The following LMX1B variants were observed in gnomAD, a reference collection of about 807,000 sequenced individuals.
LMX1B encodes LIM homeobox transcription factor 1-beta.
Under a neutral mutation model 51.4 loss-of-function variants are expected in LMX1B, and 12 were observed. The observed-to-expected ratio is 0.23, with a 90% CI of 0.15 to 0.38. The LOEUF (loss-of-function observed/expected upper bound fraction) is 0.38. Ranked by LOEUF, LMX1B falls within the 10% of genes least tolerant of loss-of-function variation. The probability of loss-of-function intolerance (pLI) is 1.00; values close to 1 mark genes in which losing one functional copy is unlikely to be tolerated. For missense variants in LMX1B, 445 were observed against 571.1 expected (o/e 0.78, Z 2.25); for synonymous variants, 237 against 235.4 (o/e 1.01, Z -0.06).
intron 2 of LMX1B, among the ~76,000 whole-genome samples, chr9:126,681,325 A>C (rs2118966487): frequency 6.6e-6 from 1 of 152,136 alleles, no homozygotes; most frequent in East Asian, 1.9e-4. Flanking sequence ...CAGACCTAAC[A>C]CATCCAGGGC....
chr9:126,614,423 C>T lies in LMX1B; in HGVS notation c.-27C>T. The stretch of plus-strand genomic sequence containing the variant: ...GCCGGCGGGCGAGCAGCCCGGCCGG[C>T]GGGGTCCGCAGCGCGCCCCGCGTCC... On this transcript the variant is annotated 5_prime_UTR_variant, in exon 1 of 8. Transcript: ENST00000373474. The T allele has an allele frequency of 6.9e-7, 1 of 1,446,982 alleles. No homozygotes were observed. Among genetic ancestry groups the T allele is most frequent in the Non-Finnish European group, 9.1e-7 (1 of 1,095,618 alleles). 89.6% of individuals were successfully genotyped at this position (1,446,982 alleles called of 1,614,324 possible).
At chr9:126,655,243 A>G (rs59444248) in intron 2 of LMX1B, among the ~76,000 whole-genome samples, 60,675 of 152,138 alleles carry the variant, frequency 0.4, 13,051 homozygotes, top group African/African-American at 0.5. Context: ...GCTTGGCCTC[A>G]GAGGCCTTGT....
At chr9:126,667,057 G>A (rs898462941) in intron 2 of LMX1B, among the ~76,000 whole-genome samples, 1 of 152,120 alleles carries the variant, frequency 6.6e-6, no homozygotes, top group African/African-American at 2.4e-5. Flanking sequence ...ATAAATTCAG[G>A]CAAAGCAGAA....
chr9:126,621,269 G>A (rs1388973042), intron 2 of LMX1B, among the ~76,000 whole-genome samples: 1 of 152,242 alleles, frequency 6.6e-6, no homozygotes, highest in Non-Finnish European at 1.5e-5. Context: ...CATCCAAGGA[G>A]CCGCGTGTGA....
rs74358947 is a variant in LMX1B at position 126,635,784 on chromosome 9, C to A, written c.326+20215C>A. On this transcript the variant is annotated intron_variant, in intron 2 of 7. Transcript: ENST00000373474. ...GAGGAGTGAGTTGTTTGGATTAGGG[C>A]CTGACTAAGTAGCACCAAGGACTGC... Among the ~76,000 whole-genome samples the A allele has an allele frequency of 2.4e-3, 368 of 152,294 alleles. 2 individuals are homozygous for A. Among genetic ancestry groups the A allele is most frequent in the African/African-American group, 8.6e-3 (356 of 41,570 alleles).
At chr9:126,676,498 G>T (rs1049018024) in intron 2 of LMX1B, among the ~76,000 whole-genome samples, 1 of 152,218 alleles carries the variant, frequency 6.6e-6, no homozygotes, top group African/African-American at 2.4e-5. Context: ...TCCATGCCAT[G>T]GGGCTTGGGA....
intron 2 of LMX1B, among the ~76,000 whole-genome samples, chr9:126,659,787 A>C (rs1836192669): frequency 6.6e-6 from 1 of 151,786 alleles, no homozygotes; most frequent in Non-Finnish European, 1.5e-5. Flanking sequence ...GAATGTCTAC[A>C]CTGGCTTCAG....
intron 2 of LMX1B, among the ~76,000 whole-genome samples, chr9:126,660,455 G>A (rs535087354): frequency 6.6e-6 from 1 of 152,276 alleles, no homozygotes; most frequent in South Asian, 2.1e-4. Context: ...AGCAATGAAT[G>A]TGGATGCTGC....
intron 2 of LMX1B, among the ~76,000 whole-genome samples, chr9:126,644,917 C>T (rs1835872042): frequency 6.6e-6 from 1 of 152,178 alleles, no homozygotes; most frequent in Non-Finnish European, 1.5e-5. Context: ...AGAATCCCTG[C>T]CAAGCGCTGA....
chr9:126,621,655 C>CTTTTTTTTTTTTT (rs71377950), intron 2 of LMX1B, among the ~76,000 whole-genome samples: 1 of 116,902 alleles, frequency 8.6e-6, no homozygotes, highest in African/African-American at 4.0e-5. Flanking sequence ...TCTCTCTCTT[C>CTTTTTTTTTTTTT]TTTTTTTTTT....
chr9:126,687,891 G>A (rs572405833), intron 2 of LMX1B, among the ~76,000 whole-genome samples: 1 of 152,268 alleles, frequency 6.6e-6, no homozygotes, highest in East Asian at 1.9e-4. Context: ...GGGAATGGGG[G>A]CTCACAGAGA....
Position 126,697,212 on chromosome 9 carries a change from A to T in LMX1B, c.*761A>T, listed in dbSNP as rs1040017545. 2 of 152,328 alleles carry T rather than the reference A, an allele frequency of 1.3e-5. No individual in the cohort carries two copies. Among genetic ancestry groups the T allele is most frequent in the African/African-American group, 4.8e-5 (2 of 41,376 alleles). The allele number at this position is 152,328 out of a possible 1,614,324, so 9.4% of individuals were successfully genotyped here. A position where few individuals can be genotyped will look rare whatever the true frequency, so the allele number is the denominator to read the frequency against. ...AGTTCTTAAGAGCGATTGGAAAGGG[A>T]GGAAGGGGAGAGGAAGAGGCGAACT... On this transcript the variant is annotated 3_prime_UTR_variant, in exon 8 of 8. Transcript: ENST00000373474.
chr9:126,614,872 T>C (rs755260169), intron 1 of LMX1B, among the ~76,000 whole-genome samples: 30 of 152,052 alleles, frequency 2.0e-4, no homozygotes, highest in Non-Finnish European at 3.2e-4. Flanking sequence ...GCAGGGGTGA[T>C]GGAGGACCTA....
chr9:126,632,506 G>A lies in LMX1B; in HGVS notation c.326+16937G>A, dbSNP rs1180485668. Among the ~76,000 whole-genome samples, 4 of 152,226 alleles carry A rather than the reference G, an allele frequency of 2.6e-5. No individual in the cohort carries two copies. The East Asian group carries it at 7.7e-4, about 29-fold the overall frequency. ...TCGGGCGTTTGGATTTTATCCTGTG[G>A]GCAGGAGGGAGCTATTGAAGGTTAT... On this transcript the variant is annotated intron_variant, in intron 2 of 7. Transcript: ENST00000373474.
intron 2 of LMX1B, among the ~76,000 whole-genome samples, chr9:126,652,326 C>A (rs1315214985): frequency 6.6e-6 from 1 of 151,886 alleles, no homozygotes; most frequent in Non-Finnish European, 1.5e-5. Context: ...TTCTTCCCGG[C>A]CTGCTTATCT....
rs374347440 is a variant in LMX1B, at chr9:126,685,284, G to T, written c.327-5552G>T. ...AAGGAGGCAAGAAGGGACTTGCTAT[G>T]TTCAGGGAGTAGTGAGAAGCCTGGC... On this transcript the variant is annotated intron_variant, in intron 2 of 7. Coordinates refer to ENST00000373474, the MANE Select transcript of LMX1B (RefSeq NM_001174147.2). 1.6e-4 allele frequency among the ~76,000 whole-genome samples: 25 copies of T among 152,284 alleles called. 1 individual carries two copies. The South Asian group carries it at 5.2e-3, about 32-fold the overall frequency.
intron 2 of LMX1B, among the ~76,000 whole-genome samples, chr9:126,656,029 T>G (rs371303264): frequency 1.3e-5 from 2 of 152,014 alleles, no homozygotes; most frequent in African/African-American, 4.8e-5. Flanking sequence ...CCCAGGCCAA[T>G]CTCCACTGAA....
intron 2 of LMX1B, among the ~76,000 whole-genome samples, chr9:126,629,083 A>G (rs1835587834): frequency 6.6e-6 from 1 of 152,066 alleles, no homozygotes; most frequent in Non-Finnish European, 1.5e-5. Flanking sequence ...ACCTGGTTCT[A>G]GTAAAGCCAG....
chr9:126,681,644 T>C (rs373487615), intron 2 of LMX1B, among the ~76,000 whole-genome samples: 70 of 152,212 alleles, frequency 4.6e-4, no homozygotes, highest in African/African-American at 1.7e-3. Context: ...CTCACACCTG[T>C]AATTCCAACA....
Sources: allele counts gnomAD v4.1 joint callset (sites outside exome capture counted in the v4.1 genomes callset), GRCh38; gene constraint gnomAD v4.1.1; transcripts MANE v1.5; gene names NCBI Gene and HGNC (gene_info 2026-07-23, HGNC 2026-07-21).